The following PLCXD3 variants were observed in gnomAD, a reference collection of about 807,000 sequenced individuals.
PLCXD3 encodes the protein PI-PLC X domain-containing protein 3.
Under a neutral mutation model 25.5 loss-of-function variants are expected in PLCXD3, and 19 were observed. That is an observed-to-expected ratio of 0.75 (90% confidence interval 0.52 to 1.09). The LOEUF is 1.09. PLCXD3 is among the 50% of genes least tolerant of loss of function. PLCXD3 has a pLI of 0.00. For missense variants in PLCXD3, 411 were observed against 388.1 expected (o/e 1.06, Z -0.50); for synonymous variants, 174 against 137.6 (o/e 1.26, Z -1.85).
At chr5:41,375,705 T>C (rs1035145977) in intron 2 of PLCXD3, among the ~76,000 whole-genome samples, 1 of 152,102 alleles carries the variant, frequency 6.6e-6, no homozygotes, top group African/African-American at 2.4e-5. Flanking sequence ...CTTTGCCCAC[T>C]CTGTCACCAG....
chr5:41,351,140 G>C (rs1407691040), intron 2 of PLCXD3, among the ~76,000 whole-genome samples: 1 of 151,282 alleles, frequency 6.6e-6, no homozygotes, highest in Non-Finnish European at 1.5e-5. Flanking sequence ...CCTTTTTTTT[G>C]AGGCAAACTT....
At chr5:41,395,586 G>A (rs1003224335) in intron 1 of PLCXD3, among the ~76,000 whole-genome samples, 5 of 152,022 alleles carry the variant, frequency 3.3e-5, no homozygotes, top group African/African-American at 4.8e-5. Context: ...GAAAAAAGGA[G>A]AGACTATCTA....
At position 41,386,620 on chromosome 5, in the gene PLCXD3, A is replaced by T. The variant is rs141051889; in HGVS notation, c.104-4086T>A. Among the ~76,000 whole-genome samples, 138 of 152,220 alleles carry T rather than the reference A, an allele frequency of 9.1e-4. 2 individuals carry two copies. Among genetic ancestry groups the T allele is most frequent in the Non-Finnish European group, 1.4e-3 (98 of 67,994 alleles). On this transcript the variant is annotated intron_variant, in intron 1 of 2. Transcript: ENST00000377801. Reference sequence around the variant, plus strand: ...TTGGCTCTTAGTTAATTAAAGAGAGATTATCCTGAGTGGGCCTGACTTGAG... The same window carrying T: ...TTGGCTCTTAGTTAATTAAAGAGAGTTTATCCTGAGTGGGCCTGACTTGAG...
intron 1 of PLCXD3, among the ~76,000 whole-genome samples, chr5:41,438,559 C>T (rs944038899): frequency 1.3e-5 from 2 of 152,160 alleles, no homozygotes; most frequent in African/African-American, 4.8e-5. Flanking sequence ...ATCTGTAAGA[C>T]GGGAGCCTGT....
intron 1 of PLCXD3, among the ~76,000 whole-genome samples, chr5:41,501,815 G>A (rs76266680): frequency 0.016 from 2,479 of 152,182 alleles, 64 homozygotes; most frequent in African/African-American, 0.057. Context: ...TAAGATGATA[G>A]AGAATTAACC....
intron 2 of PLCXD3, among the ~76,000 whole-genome samples, chr5:41,321,004 G>A (rs1460663224): frequency 1.3e-5 from 2 of 152,118 alleles, no homozygotes; most frequent in African/African-American, 4.8e-5. Context: ...ACTGAATGAG[G>A]AAAAAGTAGA....
chr5:41,361,530 C>T (rs1744779461), intron 2 of PLCXD3, among the ~76,000 whole-genome samples: 2 of 152,346 alleles, frequency 1.3e-5, no homozygotes, highest in Admixed American at 6.5e-5. Flanking sequence ...GCAAGCTAGC[C>T]TTGCCTTGTA....
At chr5:41,355,009 A>C (rs1580320410) in intron 2 of PLCXD3, among the ~76,000 whole-genome samples, 1 of 152,210 alleles carries the variant, frequency 6.6e-6, no homozygotes, top group African/African-American at 2.4e-5. Context: ...TCTTACCTCC[A>C]CAGAAAACAT....
chr5:41,397,362 G>A (rs1746039132), intron 1 of PLCXD3, among the ~76,000 whole-genome samples: 1 of 152,324 alleles, frequency 6.6e-6, no homozygotes, highest in Admixed American at 6.5e-5. Context: ...GAGGGTGCAA[G>A]CCCCAAGCCT....
chr5:41,328,507 G>A (rs749782401), intron 2 of PLCXD3, among the ~76,000 whole-genome samples: 2 of 152,170 alleles, frequency 1.3e-5, no homozygotes, highest in African/African-American at 2.4e-5. Context: ...TCCTGGGCAC[G>A]TAATTGTGGC....
intron 2 of PLCXD3, among the ~76,000 whole-genome samples, chr5:41,359,507 T>C (rs533532385): frequency 1.3e-5 from 2 of 152,278 alleles, no homozygotes; most frequent in South Asian, 4.1e-4. Flanking sequence ...GTGCATACTA[T>C]GTACACCTTG....
At chr5:41,423,776 AT>A (rs1356269835) in intron 1 of PLCXD3, among the ~76,000 whole-genome samples, 1 of 151,148 alleles carries the variant, frequency 6.6e-6, no homozygotes, top group Non-Finnish European at 1.5e-5. Flanking sequence ...TGCTCTCATC[AT>A]TTTTTTTCTC....
Position 41,427,170 on chromosome 5 carries a change from A to G in PLCXD3, c.104-44636T>C, listed in dbSNP as rs1460956. Among the ~76,000 whole-genome samples, 344 of 152,054 alleles carry G rather than the reference A, an allele frequency of 2.3e-3. 1 individual carries two copies. Among genetic ancestry groups the G allele is most frequent in the African/African-American group, 7.9e-3 (326 of 41,492 alleles). On this transcript the variant is annotated intron_variant, in intron 1 of 2. Transcript: ENST00000377801. ...TCATGTTTCTAATTAAATCTGGAAA[A>G]TTTTCAGACATGATTTCTTTCAATA...
chr5:41,325,530 T>C (rs1315258768), intron 2 of PLCXD3, among the ~76,000 whole-genome samples: 1 of 152,232 alleles, frequency 6.6e-6, no homozygotes, highest in Admixed American at 6.5e-5. Context: ...TACAGATATA[T>C]TGTATAACTG....
chr5:41,334,492 G>A (rs537129370), intron 2 of PLCXD3, among the ~76,000 whole-genome samples: 5 of 152,106 alleles, frequency 3.3e-5, no homozygotes, highest in African/African-American at 4.8e-5. Context: ...TCATCCTAAC[G>A]ACACTGGATG....
chr5:41,490,586 C>G (rs1748640601), intron 1 of PLCXD3, among the ~76,000 whole-genome samples: 1 of 152,112 alleles, frequency 6.6e-6, no homozygotes, highest in Non-Finnish European at 1.5e-5. Context: ...TGTTGGTAAG[C>G]TATTGATTAT....
intron 1 of PLCXD3, among the ~76,000 whole-genome samples, chr5:41,503,274 T>A (rs1748991779): frequency 6.6e-6 from 1 of 152,154 alleles, no homozygotes; most frequent in African/African-American, 2.4e-5. Flanking sequence ...GAAATAAAAA[T>A]TTTTCAAGTG....
chr5:41,391,344 T>A (rs562105638), intron 1 of PLCXD3, among the ~76,000 whole-genome samples: 1 of 151,938 alleles, frequency 6.6e-6, no homozygotes, highest in East Asian at 1.9e-4. Flanking sequence ...TTGAGAGGAG[T>A]TTGTCTTTCA....
intron 1 of PLCXD3, among the ~76,000 whole-genome samples, chr5:41,486,967 C>A (rs926127584): frequency 6.6e-6 from 1 of 152,128 alleles, no homozygotes; most frequent in South Asian, 2.1e-4. Context: ...AACACCTGAT[C>A]CTACTTGAAT....
Sources: allele counts gnomAD v4.1 joint callset (sites outside exome capture counted in the v4.1 genomes callset), GRCh38; gene constraint gnomAD v4.1.1; transcripts MANE v1.5; gene names NCBI Gene and HGNC (gene_info 2026-07-23, HGNC 2026-07-21).